DOCK8: variants seen among roughly 807,000 people sequenced by gnomAD.
DOCK8 encodes the protein dedicator of cytokinesis 8.
DOCK8 carries 141 observed loss-of-function variants against 245.6 expected under a neutral mutation model. The observed-to-expected ratio is 0.57, with a 90% CI of 0.50 to 0.66. The LOEUF (loss-of-function observed/expected upper bound fraction) is 0.66. DOCK8 is among the 30% of genes least tolerant of loss of function. The probability of loss-of-function intolerance (pLI) is 0.00; values close to 1 mark genes in which losing one functional copy is unlikely to be tolerated. For missense variants in DOCK8, 2,965 were observed against 2,603.4 expected, an observed-to-expected ratio of 1.14 and a Z score of -3.02; for synonymous variants, 1,168 against 970.2, an observed-to-expected ratio of 1.20 and a Z score of -3.79.
rs775232670 is a variant in DOCK8 at position 336,675 on chromosome 9, A to C, written c.1379A>C (p.Asn460Thr). The change falls in exon 12 of 48, where the codon AAC becomes ACC. Residue 460 changes from asparagine to threonine, a missense_variant. Coordinates refer to ENST00000432829, the MANE Select transcript of DOCK8 (RefSeq NM_203447.4). ...LSLEENGVGS[N>T]FKTSTLSVSS... ...TTGGAGGAAAATGGGGTTGGATCCAACTTCAAAACCTCCACTCTGAGCGTT... is the reference window on the plus strand; with the variant it reads ...TTGGAGGAAAATGGGGTTGGATCCACCTTCAAAACCTCCACTCTGAGCGTT... 4 of 1,614,066 alleles carry C rather than the reference A, an allele frequency of 2.5e-6. No individual in the cohort carries two copies. Among genetic ancestry groups the C allele is most frequent in the African/African-American group, 2.7e-5 (2 of 75,024 alleles).
At chr9:370,369 CG>C (rs1408313858) in intron 16 of DOCK8, 69 bp downstream of exon 16, 1 of 1,443,008 alleles carries the variant, frequency 6.9e-7, no homozygotes, top group Non-Finnish European at 9.8e-7. Flanking sequence ...TTCCAAGTCC[CG>C]TGGGTGGTTC....
intron 1 of DOCK8, among the ~76,000 whole-genome samples, chr9:219,299 G>A (rs558524060): frequency 3.1e-4 from 47 of 152,008 alleles, no homozygotes; most frequent in Non-Finnish European, 6.0e-4. Context: ...GCGAAACCCC[G>A]TCTCTACTAA....
At chr9:220,102 T>C (rs1311572335) in intron 1 of DOCK8, among the ~76,000 whole-genome samples, 1 of 152,216 alleles carries the variant, frequency 6.6e-6, no homozygotes, top group Non-Finnish European at 1.5e-5. Flanking sequence ...AGTGAGGTAG[T>C]GTGCTTTCAG....
chr9:426,341 A>G (rs944400943), intron 33 of DOCK8, among the ~76,000 whole-genome samples: 3 of 152,164 alleles, frequency 2.0e-5, no homozygotes, highest in African/African-American at 4.8e-5. Context: ...GACCCCACGC[A>G]CTTGGCTGAG....
At chr9:463,424 G>C (rs963231092) in intron 46 of DOCK8, 93 bp from the exon 47 acceptor site, 7 of 1,523,996 alleles carry the variant, frequency 4.6e-6, no homozygotes, top group African/African-American at 2.8e-5. Flanking sequence ...CGTTCTTAAA[G>C]TTATTCGAAA....
chr9:345,069 A>G (rs1161682677), intron 14 of DOCK8, among the ~76,000 whole-genome samples: 1 of 152,176 alleles, frequency 6.6e-6, no homozygotes, highest in Non-Finnish European at 1.5e-5. Context: ...AAAAGGTATT[A>G]TCTTGGCAGG....
intron 33 of DOCK8, among the ~76,000 whole-genome samples, chr9:424,740 G>A (rs2056417523): frequency 6.6e-6 from 1 of 152,176 alleles, no homozygotes; most frequent in African/African-American, 2.4e-5. Context: ...AACCAGATTA[G>A]TGTTAGTGAT....
chr9:400,013 T>TCTTCACCACCAC (rs1554691498), intron 26 of DOCK8, among the ~76,000 whole-genome samples: 1 of 45,704 alleles, frequency 2.2e-5, no homozygotes, highest in Non-Finnish European at 4.0e-5. Flanking sequence ...ACCTCCACCA[T>TCTTCACCACCAC]CACCACCACC....
At chr9:287,913 C>T (rs1185376510) in intron 3 of DOCK8, among the ~76,000 whole-genome samples, 1 of 152,122 alleles carries the variant, frequency 6.6e-6, no homozygotes, top group Non-Finnish European at 1.5e-5. Flanking sequence ...GCAGCTTGTT[C>T]CTGTGGTCCC....
At chr9:347,554 C>G (rs1284286735) in intron 14 of DOCK8, among the ~76,000 whole-genome samples, 1 of 152,130 alleles carries the variant, frequency 6.6e-6, no homozygotes. Flanking sequence ...ATGCGGAAGC[C>G]CAGTACTTGG....
At chr9:360,321 T>TA (rs775232037) in intron 14 of DOCK8, among the ~76,000 whole-genome samples, 7,474 of 142,450 alleles carry the variant, frequency 0.052, 493 homozygotes, top group African/African-American at 0.15. Flanking sequence ...ATCTCAAAAT[T>TA]TAAAAAAAAA....
chr9:314,953 T>C lies in DOCK8; in HGVS notation c.742-2090T>C, dbSNP rs75856989. Among the ~76,000 whole-genome samples the C allele has an allele frequency of 1.6e-3, 249 of 152,292 alleles. 1 individual carries two copies. The highest frequency in any genetic ancestry group is 5.9e-3 in the African/African-American group (244 of 41,564). On this transcript the variant is annotated intron_variant, in intron 6 of 47. Transcript: ENST00000432829. ...CTATAAGGCAAGTTCTTTCCCTAAT[T>C]CATTCTGAGTCTACAAAAGGCGGTT...
intron 6 of DOCK8, among the ~76,000 whole-genome samples, chr9:316,371 A>G (rs573923004): frequency 4.6e-5 from 7 of 152,368 alleles, no homozygotes; most frequent in Admixed American, 3.3e-4. Flanking sequence ...TAAGGTTACA[A>G]TAGGGGCTTG....
chr9:285,725 C>T (rs908768797), intron 2 of DOCK8, among the ~76,000 whole-genome samples: 1 of 151,766 alleles, frequency 6.6e-6, no homozygotes, highest in African/African-American at 2.4e-5. Context: ...TCTTTTACTC[C>T]CCCTCTTTCC....
chr9:344,560 C>A (rs1276052229), intron 14 of DOCK8, among the ~76,000 whole-genome samples: 1 of 152,092 alleles, frequency 6.6e-6, no homozygotes, highest in Non-Finnish European at 1.5e-5. Context: ...CCTTGGGTGA[C>A]CTCACCTTTT....
intron 26 of DOCK8, 133 bp downstream of exon 26, chr9:399,392 C>T (rs970600456): frequency 4.1e-6 from 3 of 726,000 alleles, no homozygotes; most frequent in East Asian, 5.4e-5. Context: ...CTGTGTTTTG[C>T]AGCACGTCCC....
At chr9:295,369 C>CT (rs2049216396) in intron 4 of DOCK8, among the ~76,000 whole-genome samples, 1 of 152,082 alleles carries the variant, frequency 6.6e-6, no homozygotes, top group African/African-American at 2.4e-5. Flanking sequence ...TAAAATCTGC[C>CT]TTGGACCATT....
At chr9:314,117 C>T (rs1232241155) in intron 6 of DOCK8, among the ~76,000 whole-genome samples, 1 of 152,236 alleles carries the variant, frequency 6.6e-6, no homozygotes, top group Non-Finnish European at 1.5e-5. Flanking sequence ...TATGTATCTA[C>T]ATACATATGA....
Position 414,942 on chromosome 9 carries a change from G to A in DOCK8, c.3691G>A (p.Asp1231Asn), listed in dbSNP as rs747145872. 6.2e-7 allele frequency: 1 copy of A among 1,613,530 alleles called. No homozygotes were observed. Among genetic ancestry groups the A allele is most frequent in the Non-Finnish European group, 8.5e-7 (1 of 1,180,014 alleles). The change falls in exon 29 of 48, where the codon GAC becomes AAC. Residue 1231 changes from aspartate to asparagine, a missense_variant. Coordinates refer to ENST00000432829, the MANE Select transcript of DOCK8 (RefSeq NM_203447.4). ...TTTGGATGCTTTGCCACAGCTCTGT[G>A]ACTTTACAGGTAATGGCCCTTCTGT... is the stretch of plus-strand genomic sequence containing the variant. ...IILDALPQLC[D>N]FTVADTRRYR...
Sources: gnomAD v4.1 joint callset for allele counts (sites outside exome capture counted in the v4.1 genomes callset) on GRCh38, gnomAD v4.1.1 for gene constraint, MANE v1.5 for transcripts, NCBI Gene and HGNC (gene_info 2026-07-23, HGNC 2026-07-21) for gene names.